The following SRRM4 variants were observed in gnomAD, a reference collection of about 807,000 sequenced individuals.
The protein encoded by SRRM4 is serine/arginine repetitive matrix protein 4.
SRRM4 carries 33 observed loss-of-function variants against 68.9 expected under a neutral mutation model. The ratio of observed to expected loss-of-function variants is 0.48; its 90% CI spans 0.36 to 0.64. The LOEUF (loss-of-function observed/expected upper bound fraction) is 0.64. Among genes scored for constraint, SRRM4 ranks in the 30% least tolerant of loss-of-function variants. The pLI is 0.00. For synonymous variants in SRRM4, 318 were observed against 318.8 expected, an observed-to-expected ratio of 1.00 and a Z score of 0.03; for missense variants, 817 against 827.1, an observed-to-expected ratio of 0.99 and a Z score of 0.15.
At chr12:119,066,513 G>T (rs1319510811) in intron 1 of SRRM4, among the ~76,000 whole-genome samples, 1 of 152,168 alleles carries the variant, frequency 6.6e-6, no homozygotes, top group Non-Finnish European at 1.5e-5. Flanking sequence ...GTGAATCCTT[G>T]GTTCCCAGCC....
chr12:119,031,355 A>G (rs557814721), intron 1 of SRRM4: 3 of 152,330 alleles, frequency 2.0e-5, no homozygotes, highest in Admixed American at 2.0e-4. Flanking sequence ...AGTAAGATGA[A>G]TGTTGCAATC....
At position 119,145,371 on chromosome 12, in the gene SRRM4, T is replaced by C. The variant is rs1158882931; in HGVS notation, c.772-10T>C. ...GCTCAGCAGTGTCCAACGGGTCTTT[T>C]TGCTTTCAGATCACTGGGTCGGGGT... On this transcript the variant is annotated splice_polypyrimidine_tract_variant and intron_variant, in intron 8 of 12. Coordinates refer to ENST00000267260, the MANE Select transcript of SRRM4 (RefSeq NM_194286.4). 1 of 1,597,176 alleles carries C rather than the reference T, an allele frequency of 6.3e-7. No individual in the cohort carries two copies. Among genetic ancestry groups the C allele is most frequent in the Admixed American group, 1.7e-5 (1 of 57,504 alleles).
At chr12:118,983,042 G>A (rs890389635) in intron 1 of SRRM4, among the ~76,000 whole-genome samples, 2 of 152,154 alleles carry the variant, frequency 1.3e-5, no homozygotes, top group African/African-American at 4.8e-5. Context: ...GGGACCACTT[G>A]GAGGATTTAT....
chr12:119,037,938 A>T (rs1953640358), intron 1 of SRRM4, among the ~76,000 whole-genome samples: 1 of 152,232 alleles, frequency 6.6e-6, no homozygotes, highest in African/African-American at 2.4e-5. Flanking sequence ...CAGCAGGTCA[A>T]TGAAGTATGA....
intron 1 of SRRM4, among the ~76,000 whole-genome samples, chr12:119,091,728 C>G (rs73211892): frequency 6.6e-6 from 1 of 152,166 alleles, no homozygotes; most frequent in South Asian, 2.1e-4. Flanking sequence ...TCCGATGGGT[C>G]TACTCACTAT....
chr12:119,086,506 G>A (rs1300413869), intron 1 of SRRM4, among the ~76,000 whole-genome samples: 1 of 152,164 alleles, frequency 6.6e-6, no homozygotes, highest in Non-Finnish European at 1.5e-5. Flanking sequence ...GAATGTTATG[G>A]CCTCTTCTAC....
chr12:119,149,421 T>C (rs181501582), intron 9 of SRRM4, among the ~76,000 whole-genome samples: 97 of 152,266 alleles, frequency 6.4e-4, no homozygotes, highest in African/African-American at 2.3e-3. Flanking sequence ...TCTCAGAACA[T>C]TGAAAAGGTC....
chr12:119,043,508 A>G (rs1953683129), intron 1 of SRRM4, among the ~76,000 whole-genome samples: 1 of 152,158 alleles, frequency 6.6e-6, no homozygotes, highest in Admixed American at 6.5e-5. Context: ...CTATGTAACA[A>G]ACCTGCACAT....
At position 119,030,377 on chromosome 12, in the gene SRRM4, C is replaced by T. The variant is rs182559047; in HGVS notation, c.131+48364C>T. 9.9e-5 allele frequency among the ~76,000 whole-genome samples: 15 copies of T among 152,204 alleles called. No homozygotes were observed. In the East Asian group the frequency reaches 2.7e-3, roughly 27 times the overall value. On this transcript the variant is annotated intron_variant, in intron 1 of 12. Coordinates refer to ENST00000267260, the MANE Select transcript of SRRM4 (RefSeq NM_194286.4). Reference sequence around the variant, plus strand: ...AACACACTCTCAGGGATTCTGTAAGCCCAGGAAATCAGGCAGAGTGATTTG... The same window carrying T: ...AACACACTCTCAGGGATTCTGTAAGTCCAGGAAATCAGGCAGAGTGATTTG...
At chr12:119,140,326 G>A (rs935016181) in intron 8 of SRRM4, among the ~76,000 whole-genome samples, 51 of 151,286 alleles carry the variant, frequency 3.4e-4, no homozygotes, top group African/African-American at 1.1e-3. Context: ...TGCAGTGAGC[G>A]GAGATCATGC....
chr12:118,986,751 A>T (rs1373416058), intron 1 of SRRM4, among the ~76,000 whole-genome samples: 1 of 152,090 alleles, frequency 6.6e-6, no homozygotes, highest in African/African-American at 2.4e-5. Context: ...CTAGGCCTGT[A>T]AGTCTCCATT....
chr12:119,051,212 C>G (rs886544660), intron 1 of SRRM4, among the ~76,000 whole-genome samples: 1 of 152,202 alleles, frequency 6.6e-6, no homozygotes. Flanking sequence ...TTATCAGCCT[C>G]CAGGAGAGCC....
In SRRM4 at chr12:118,981,747, A is replaced by G. The variant is rs1953248268; in HGVS notation, c.-136A>G. 8.2e-6 allele frequency: 8 copies of G among 978,044 alleles called. No individual in the cohort carries two copies. The South Asian group carries it at 1.4e-4, about 18-fold the overall frequency. 60.6% of individuals were successfully genotyped at this position (978,044 alleles called of 1,614,324 possible). ...TGGGGCGTCCCATCCCCCGCCCTGA[A>G]CTCCGATCTCTCCCACCCCACCCCT... On this transcript the variant is annotated 5_prime_UTR_variant, in exon 1 of 13. Transcript: ENST00000267260.
rs373411125 is a variant in SRRM4, at chr12:119,091,371, A to T, written c.132-10865A>T. Among the ~76,000 whole-genome samples the T allele has an allele frequency of 9.2e-5, 14 of 152,214 alleles. No homozygotes were observed. The South Asian group carries it at 2.9e-3, about 32-fold the overall frequency. ...CTTGGTGGTAGGAAGCCAAGGCCTC[A>T]GTGTAGGGGGATCTCCTGGGACCCT... On this transcript the variant is annotated intron_variant, in intron 1 of 12. Coordinates refer to ENST00000267260, the MANE Select transcript of SRRM4 (RefSeq NM_194286.4).
chr12:119,069,134 C>T (rs1953862677), intron 1 of SRRM4, among the ~76,000 whole-genome samples: 3 of 152,034 alleles, frequency 2.0e-5, no homozygotes, highest in South Asian at 2.1e-4. Context: ...AAAATAGAAA[C>T]GGGAGAGCCC....
chr12:119,147,930 A>G (rs1438656942), intron 9 of SRRM4, among the ~76,000 whole-genome samples: 1 of 152,220 alleles, frequency 6.6e-6, no homozygotes, highest in Non-Finnish European at 1.5e-5. Flanking sequence ...TCTGTTGTTT[A>G]TTCCTCAACT....
intron 7 of SRRM4, 104 bp downstream of exon 7, chr12:119,125,583 C>T (rs1954253399): frequency 2.0e-6 from 2 of 985,718 alleles, no homozygotes; most frequent in Non-Finnish European, 3.0e-6. Context: ...CAGGGTTTGG[C>T]CCCCTTCCTC....
chr12:119,018,149 G>A (rs1004850812), intron 1 of SRRM4, among the ~76,000 whole-genome samples: 1 of 152,278 alleles, frequency 6.6e-6, no homozygotes, highest in East Asian at 1.9e-4. Context: ...TACATTGAAA[G>A]TCAACTCCCA....
intron 1 of SRRM4, among the ~76,000 whole-genome samples, chr12:119,073,574 C>G (rs1316111516): frequency 6.6e-6 from 1 of 152,118 alleles, no homozygotes; most frequent in Non-Finnish European, 1.5e-5. Flanking sequence ...ATCTACCCAC[C>G]TCGGCTTCCC....
Sources: gnomAD v4.1 joint callset for allele counts (sites outside exome capture counted in the v4.1 genomes callset) on GRCh38, gnomAD v4.1.1 for gene constraint, MANE v1.5 for transcripts, NCBI Gene and HGNC (gene_info 2026-07-23, HGNC 2026-07-21) for gene names.